The following DNAH12 variants were observed in gnomAD, a reference collection of about 807,000 sequenced individuals.
The protein encoded by DNAH12 is axonemal beta dynein heavy chain 12.
DNAH12 carries 285 observed loss-of-function variants against 371.5 expected under a neutral mutation model. The ratio of observed to expected loss-of-function variants is 0.77; its 90% confidence interval spans 0.70 to 0.85. The LOEUF (loss-of-function observed/expected upper bound fraction) is 0.85. Ranked by LOEUF, DNAH12 falls within the 40% of genes least tolerant of loss-of-function variation. The probability of loss-of-function intolerance (pLI) is 0.00; values close to 1 mark genes in which losing one functional copy is unlikely to be tolerated. For missense variants in DNAH12, 3,611 were observed against 3,689.4 expected, an observed-to-expected ratio of 0.98 and a Z score of 0.55; for synonymous variants, 1,200 against 1,213.0, an observed-to-expected ratio of 0.99 and a Z score of 0.22.
At chr3:57,512,275 T>C (rs371339048) in intron 4 of DNAH12, among the ~76,000 whole-genome samples, 91 of 152,296 alleles carry the variant, frequency 6.0e-4, no homozygotes, top group African/African-American at 2.1e-3. Flanking sequence ...ATTCCACTTA[T>C]ATAAAGTAAA....
chr3:57,530,666 C>A, intron 2 of DNAH12: 1 of 462,244 alleles, frequency 2.2e-6, no homozygotes, highest in South Asian at 2.9e-5. Flanking sequence ...TGTCACTGAG[C>A]ACGATGCAGT....
intron 60 of DNAH12, among the ~76,000 whole-genome samples, chr3:57,339,239 C>T (rs932885848): frequency 5.9e-5 from 9 of 152,186 alleles, no homozygotes; most frequent in Admixed American, 3.9e-4. Context: ...ACAAACACTG[C>T]GGAAGGCCGC....
chr3:57,510,464 C>T (rs2067947757), intron 5 of DNAH12, among the ~76,000 whole-genome samples: 1 of 151,864 alleles, frequency 6.6e-6, no homozygotes, highest in Non-Finnish European at 1.5e-5. Context: ...CATGGTGAAA[C>T]TACATCTCTA....
intron 44 of DNAH12, among the ~76,000 whole-genome samples, chr3:57,393,543 G>A (rs1449403778): frequency 1.4e-5 from 2 of 145,920 alleles, no homozygotes; most frequent in African/African-American, 5.1e-5. Context: ...GGAGAATGGC[G>A]TGAACCCGGG....
intron 11 of DNAH12, among the ~76,000 whole-genome samples, chr3:57,496,079 A>C (rs1411573431): frequency 6.6e-6 from 1 of 151,404 alleles, no homozygotes. Flanking sequence ...CTAAATATCT[A>C]TGTATCCAAA....
chr3:57,338,726 C>T lies in DNAH12; in HGVS notation c.9675-3786G>A, dbSNP rs151090243. ...GCCGCCCCATCTTGGGGGTGAGGAG[C>T]GCCTCTGCCCGGCCACCCATTGTCT... On this transcript the variant is annotated intron_variant, in intron 60 of 73. Transcript: ENST00000495027. Among the ~76,000 whole-genome samples, 910 of 144,624 alleles carry T rather than the reference C, an allele frequency of 6.3e-3. 1 individual carries two copies. The highest frequency in any genetic ancestry group is 0.011 in the Non-Finnish European group (752 of 66,264). 94.9% of individuals were successfully genotyped at this position (144,624 alleles called of 152,430 possible).
At chr3:57,308,535 A>C (rs2061518365) in intron 69 of DNAH12, among the ~76,000 whole-genome samples, 1 of 152,140 alleles carries the variant, frequency 6.6e-6, no homozygotes, top group Admixed American at 6.5e-5. Context: ...CACCAGATCA[A>C]CTTGGACTGT....
chr3:57,321,195 T>C (rs925960290), intron 65 of DNAH12, among the ~76,000 whole-genome samples: 3 of 152,162 alleles, frequency 2.0e-5, no homozygotes, highest in East Asian at 3.9e-4. Flanking sequence ...TTAGACACCA[T>C]ACTATCTTCT....
intron 4 of DNAH12, chr3:57,519,724 T>C: frequency 6.2e-7 from 1 of 1,611,318 alleles, no homozygotes; most frequent in Non-Finnish European, 8.5e-7. Context: ...GCAGCGATTG[T>C]TCTGTTTCAC....
At chr3:57,385,835 T>C (rs2063490274) in intron 47 of DNAH12, among the ~76,000 whole-genome samples, 1 of 152,090 alleles carries the variant, frequency 6.6e-6, no homozygotes, top group African/African-American at 2.4e-5. Context: ...GAGCCGAGAT[T>C]GCACCATTGC....
At chr3:57,398,237 A>G (rs2063784691) in intron 43 of DNAH12, among the ~76,000 whole-genome samples, 1 of 152,190 alleles carries the variant, frequency 6.6e-6, no homozygotes. Context: ...GGGTTAATGG[A>G]GCAAAAACAA....
At chr3:57,517,534 G>A (rs1310470718) in intron 4 of DNAH12, among the ~76,000 whole-genome samples, 3 of 152,032 alleles carry the variant, frequency 2.0e-5, no homozygotes, top group Non-Finnish European at 4.4e-5. Flanking sequence ...TGACTATATA[G>A]TGAAAGGAAA....
chr3:57,468,629 T>A, intron 17 of DNAH12, 107 bp downstream of exon 17: 2 of 664,434 alleles, frequency 3.0e-6, no homozygotes, highest in Non-Finnish European at 4.4e-6. Flanking sequence ...TAATAATAAA[T>A]AATAAACATG....
At position 57,471,585 on chromosome 3, in the gene DNAH12, T is replaced by C. The variant is rs2066370548; in HGVS notation, c.1798A>G (p.Lys600Glu). 6.5e-7 allele frequency: 1 copy of C among 1,543,994 alleles called. No homozygotes were observed. The highest frequency in any genetic ancestry group is 8.7e-7 in the Non-Finnish European group (1 of 1,145,060). ...NDELIENAKHKKENELMAKRE... is the reference protein window; with the variant it reads ...NDELIENAKHEKENELMAKRE... ...TTGGCCATTAGTTCATTTTCTTTTTTATGTTTAGCATTCTCAATTAGCTTT... is the reference window on the plus strand; with the variant it reads ...TTGGCCATTAGTTCATTTTCTTTTTCATGTTTAGCATTCTCAATTAGCTTT... The change falls in exon 15 of 74, where the codon AAA becomes GAA. Residue 600 changes from lysine (K) to glutamate (E), a missense_variant. Lys to Glu is a moderately conservative substitution (Grantham distance 56, BLOSUM62 1). This residue lies in a region of DNAH12 where 1,314 missense variants were observed against 1,398.7 expected (regional missense o/e 0.94). Coordinates refer to ENST00000495027, the MANE Select transcript of DNAH12 (RefSeq NM_001366028.2).
rs2062180979 is a variant in DNAH12, at chr3:57,334,614, T to C, written c.9834-5A>G. On this transcript the variant is annotated splice_polypyrimidine_tract_variant and splice_region_variant and intron_variant, in intron 61 of 73. Transcript: ENST00000495027. ...ATATGTTCACAAAAATGTTGCCTAA[T>C]AGAAAAAAGCTTAAGAATTATTCTT... The C allele has an allele frequency of 6.5e-7, 1 of 1,531,260 alleles. No homozygotes were observed. Among genetic ancestry groups the C allele is most frequent in the Non-Finnish European group, 8.8e-7 (1 of 1,142,430 alleles). The allele number at this position is 1,531,260 out of a possible 1,614,324, so 94.9% of individuals were successfully genotyped here. A position where few individuals can be genotyped will look rare whatever the true frequency, so the allele number is the denominator to read the frequency against.
At position 57,355,358 on chromosome 3, in the gene DNAH12, G is replaced by C. The variant is rs941404563; in HGVS notation, c.9533+1818C>G. ...ATATAATAAAATTAAAGTCAACAAA[G>C]ATGAAGAAAAACCCTAAAATGAAAT... On this transcript the variant is annotated intron_variant, in intron 59 of 73. Coordinates refer to ENST00000495027, the MANE Select transcript of DNAH12 (RefSeq NM_001366028.2). Among the ~76,000 whole-genome samples the C allele has an allele frequency of 2.8e-3, 426 of 152,132 alleles. 1 individual carries two copies. The highest frequency in any genetic ancestry group is 9.8e-3 in the African/African-American group (408 of 41,528).
chr3:57,435,797 A>G (rs1273534246), intron 30 of DNAH12, among the ~76,000 whole-genome samples: 1 of 152,198 alleles, frequency 6.6e-6, no homozygotes, highest in Non-Finnish European at 1.5e-5. Flanking sequence ...TCTCAAAAAT[A>G]CATAATAAAT....
intron 45 of DNAH12, among the ~76,000 whole-genome samples, chr3:57,390,630 CA>C: frequency 6.6e-6 from 1 of 150,666 alleles, no homozygotes; most frequent in Non-Finnish European, 1.5e-5. Flanking sequence ...TTCTATTGGG[CA>C]TAAAACAATA....
At chr3:57,498,066 C>T in intron 11 of DNAH12, 1 of 156,368 alleles carries the variant, frequency 6.4e-6, no homozygotes. Flanking sequence ...TGGAACATGA[C>T]ATGTTAAAAG....
Sources: allele counts gnomAD v4.1 joint callset (sites outside exome capture counted in the v4.1 genomes callset), GRCh38; gene constraint gnomAD v4.1.1; regional missense constraint gnomAD v4.1.1; transcripts MANE v1.5; gene names NCBI Gene and HGNC (gene_info 2026-07-23, HGNC 2026-07-21).